The following C8orf34 variants were observed in gnomAD, a reference collection of about 807,000 sequenced individuals.
C8orf34 encodes chromosome 8 open reading frame 34.
In C8orf34, 65 loss-of-function variants were observed where a neutral mutation model predicts 68.3. That is an observed-to-expected ratio of 0.95 (90% CI 0.78 to 1.17). The LOEUF (loss-of-function observed/expected upper bound fraction) is 1.17, where lower values mean the gene tolerates loss of function less well. C8orf34 is among the 50% of genes most tolerant of loss of function. C8orf34 has a pLI of 0.00. For missense variants in C8orf34, 664 were observed against 655.4 expected, an observed-to-expected ratio of 1.01 and a Z score of -0.14; for synonymous variants, 244 against 241.2, an observed-to-expected ratio of 1.01 and a Z score of -0.11.
chr8:68,506,617 C>G (rs1814034260), intron 5 of C8orf34, among the ~76,000 whole-genome samples: 1 of 152,106 alleles, frequency 6.6e-6, no homozygotes, highest in Non-Finnish European at 1.5e-5. Context: ...GGATGCCAAC[C>G]TTTGTTAGTA....
intron 6 of C8orf34, chr8:68,525,951 TC>T: frequency 4.1e-6 from 1 of 245,122 alleles, no homozygotes; most frequent in South Asian, 3.8e-5. Context: ...CAAATTTCTT[TC>T]TTTCTTTTTT....
At chr8:68,684,763 A>G (rs1820463249) in intron 8 of C8orf34, among the ~76,000 whole-genome samples, 1 of 152,016 alleles carries the variant, frequency 6.6e-6, no homozygotes, top group Admixed American at 6.6e-5. Context: ...GAATTTTAGA[A>G]AAAAAATTAT....
intron 8 of C8orf34, among the ~76,000 whole-genome samples, chr8:68,641,160 C>T (rs545367569): frequency 7.0e-4 from 106 of 152,236 alleles, no homozygotes; most frequent in East Asian, 5.0e-3. Flanking sequence ...CCTTCTAACC[C>T]TTATGTAAAT....
chr8:68,793,095 G>A (rs1824060116), intron 12 of C8orf34, among the ~76,000 whole-genome samples: 2 of 152,008 alleles, frequency 1.3e-5, no homozygotes, highest in African/African-American at 4.8e-5. Context: ...CAGAATTAAT[G>A]GAAAGTTTTA....
intron 4 of C8orf34, among the ~76,000 whole-genome samples, chr8:68,475,901 A>C (rs1812594241): frequency 6.6e-6 from 1 of 152,202 alleles, no homozygotes; most frequent in Non-Finnish European, 1.5e-5. Flanking sequence ...ATATGAAAAC[A>C]CTGGCTGGAG....
upstream of C8orf34, chr8:68,330,917 GC>G: frequency 9.8e-7 from 1 of 1,017,348 alleles, no homozygotes; most frequent in Non-Finnish European, 1.3e-6. Flanking sequence ...TGCTGCTGCC[GC>G]CCAGAGGAGA....
At chr8:68,548,016 T>C (rs1474841077) in intron 7 of C8orf34, among the ~76,000 whole-genome samples, 1 of 151,774 alleles carries the variant, frequency 6.6e-6, no homozygotes, top group Non-Finnish European at 1.5e-5. Context: ...GAATGAACTT[T>C]GACCCTCTAC....
chr8:68,415,442 T>G (rs1247243375), intron 1 of C8orf34, among the ~76,000 whole-genome samples: 2 of 151,638 alleles, frequency 1.3e-5, no homozygotes, highest in East Asian at 3.9e-4. Flanking sequence ...ATTGTGCCAT[T>G]GCACTCCAGC....
chr8:68,587,116 T>TAGG (rs1817232892), intron 7 of C8orf34, among the ~76,000 whole-genome samples: 1 of 152,110 alleles, frequency 6.6e-6, no homozygotes, highest in Non-Finnish European at 1.5e-5. Context: ...CTTTGGTTAG[T>TAGG]CACATCTCTT....
At chr8:68,801,544 T>A (rs1038212913) in intron 12 of C8orf34, among the ~76,000 whole-genome samples, 1 of 152,186 alleles carries the variant, frequency 6.6e-6, no homozygotes, top group African/African-American at 2.4e-5. Flanking sequence ...ATTGTTTCCC[T>A]CTAGCTGCCC....
At chr8:68,457,229 T>C (rs755180592) in intron 3 of C8orf34, among the ~76,000 whole-genome samples, 2 of 152,200 alleles carry the variant, frequency 1.3e-5, no homozygotes, top group East Asian at 1.9e-4. Flanking sequence ...AGAGTATATA[T>C]GTACATATAT....
At chr8:68,610,964 A>G (rs987617142) in intron 7 of C8orf34, among the ~76,000 whole-genome samples, 9 of 149,880 alleles carry the variant, frequency 6.0e-5, no homozygotes, top group Admixed American at 1.4e-4. Flanking sequence ...TACCAGGGTC[A>G]AGCTATTCTC....
chr8:68,385,220 A>G (rs868778397), intron 1 of C8orf34, among the ~76,000 whole-genome samples: 2 of 152,124 alleles, frequency 1.3e-5, no homozygotes, highest in African/African-American at 4.8e-5. Flanking sequence ...TGTCAGCCTC[A>G]TTTTAGTGAT....
chr8:68,504,334 C>A (rs1157707087), intron 5 of C8orf34, among the ~76,000 whole-genome samples: 1 of 151,956 alleles, frequency 6.6e-6, no homozygotes, highest in Non-Finnish European at 1.5e-5. Flanking sequence ...CATCAGTTGA[C>A]GGATCTTTGA....
rs191003577 is a variant in C8orf34 at position 68,576,006 on chromosome 8, A to G, written c.1105+42857A>G. Among the ~76,000 whole-genome samples, 3 of 131,494 alleles carry G rather than the reference A, an allele frequency of 2.3e-5. No individual in the cohort carries two copies. In the East Asian group the frequency reaches 6.8e-4, roughly 30 times the overall value. The allele number at this position is 131,494 out of a possible 152,430, so 86.3% of individuals were successfully genotyped here. A position where few individuals can be genotyped will look rare whatever the true frequency, so the allele number is the denominator to read the frequency against. ...TTTGCTACTTACCTTTTTTAATACAATTGTGTTATTTGGACGTCAGAAATG... is the reference window on the plus strand; with the variant it reads ...TTTGCTACTTACCTTTTTTAATACAGTTGTGTTATTTGGACGTCAGAAATG... On this transcript the variant is annotated intron_variant, in intron 7 of 13. Transcript: ENST00000518698.
At chr8:68,744,279 G>A in intron 10 of C8orf34, among the ~76,000 whole-genome samples, 4 of 151,714 alleles carry the variant, frequency 2.6e-5, no homozygotes, top group Admixed American at 6.6e-5. Flanking sequence ...CCACAAAGAT[G>A]GGGAAAAAAC....
intron 3 of C8orf34, among the ~76,000 whole-genome samples, chr8:68,455,717 G>A (rs575314068): frequency 4.1e-4 from 62 of 151,916 alleles, no homozygotes; most frequent in African/African-American, 1.5e-3. Context: ...AATGCTATTC[G>A]ATACAAATTT....
chr8:68,697,414 A>T (rs1398802948), intron 8 of C8orf34, among the ~76,000 whole-genome samples: 1 of 152,048 alleles, frequency 6.6e-6, no homozygotes, highest in East Asian at 1.9e-4. Context: ...TTGCAGTTTA[A>T]TATTGCTAAA....
intron 7 of C8orf34, among the ~76,000 whole-genome samples, chr8:68,574,451 AC>A (rs1261715557): frequency 1.3e-5 from 2 of 152,012 alleles, no homozygotes; most frequent in Non-Finnish European, 2.9e-5. Flanking sequence ...GTATCTTGAA[AC>A]CAGTATATGT....
Sources: gnomAD v4.1 joint callset for allele counts (sites outside exome capture counted in the v4.1 genomes callset) on GRCh38, gnomAD v4.1.1 for gene constraint, MANE v1.5 for transcripts, NCBI Gene and HGNC (gene_info 2026-07-23, HGNC 2026-07-21) for gene names.